FDFT1: variants seen among roughly 807,000 people sequenced by gnomAD.
FDFT1 encodes farnesyl-diphosphate farnesyltransferase 1, also known as squalene synthase.
In FDFT1, 68 loss-of-function variants were observed where a neutral mutation model predicts 46.8. That is an observed-to-expected ratio of 1.45 (90% CI 1.19 to 1.78). The LOEUF (loss-of-function observed/expected upper bound fraction) is 1.78. Ranked by LOEUF, FDFT1 falls within the 40% of genes most tolerant of loss-of-function variation. The probability of loss-of-function intolerance (pLI) is 0.00; values close to 1 mark genes in which losing one functional copy is unlikely to be tolerated. For synonymous variants in FDFT1, 351 were observed against 185.1 expected, an observed-to-expected ratio of 1.90 and a Z score of -7.28; for missense variants, 928 against 524.4, an observed-to-expected ratio of 1.77 and a Z score of -7.52.
chr8:11,801,786 C>T (rs907439997), upstream of FDFT1: 6 of 362,398 alleles, frequency 1.7e-5, no homozygotes, highest in South Asian at 8.3e-5. Flanking sequence ...CTCCGCTTCC[C>T]GGGTTCAAGT....
chr8:11,804,941 C>T (rs1392886834), intron 1 of FDFT1, among the ~76,000 whole-genome samples: 1 of 134,000 alleles, frequency 7.5e-6, no homozygotes, highest in Admixed American at 8.0e-5. Flanking sequence ...GGGGGTCTCA[C>T]TCCATCGTCC....
upstream of FDFT1, chr8:11,802,382 C>T (rs975144379): frequency 1.5e-5 from 7 of 455,432 alleles, no homozygotes; most frequent in East Asian, 4.9e-4. Flanking sequence ...CTGCGGACCA[C>T]CGTTGGGCTC....
rs750555160 is a variant in FDFT1, at chr8:11,821,896, G to GTGT, written c.510+19_510+21dup. On this transcript the variant is annotated intron_variant, in intron 4 of 7. Coordinates refer to ENST00000220584, the MANE Select transcript of FDFT1 (RefSeq NM_004462.5). ...GGGACAAGGTTAGTCTCATAAAACAGTGTCTGTGTGTGATGTATTAGACAG... is the reference window on the plus strand; with the variant it reads ...GGGACAAGGTTAGTCTCATAAAACAGTGTTGTCTGTGTGTGATGTATTAGACAG... 6.2e-7 allele frequency: 1 copy of GTGT among 1,610,570 alleles called. No homozygotes were observed. The highest frequency in any genetic ancestry group is 1.1e-5 in the South Asian group (1 of 90,860).
chr8:11,833,775 A>AT (rs1563343413), intron 7 of FDFT1, among the ~76,000 whole-genome samples: 2 of 152,136 alleles, frequency 1.3e-5, no homozygotes, highest in African/African-American at 2.4e-5. Flanking sequence ...AGCTGAAAAT[A>AT]TTTTTTGGCC....
rs562419913 is a variant in FDFT1, at chr8:11,828,066, G to A, written c.702+1851G>A. ...AAATTACAAAAATTAGCCAAGTGTGGTGGCATACGCTGGTAGGGCCAGCTA... is the reference window on the plus strand; with the variant it reads ...AAATTACAAAAATTAGCCAAGTGTGATGGCATACGCTGGTAGGGCCAGCTA... On this transcript the variant is annotated intron_variant, in intron 5 of 7. Coordinates refer to ENST00000220584, the MANE Select transcript of FDFT1 (RefSeq NM_004462.5). 3.3e-5 allele frequency among the ~76,000 whole-genome samples: 5 copies of A among 152,162 alleles called. No individual in the cohort carries two copies. In the South Asian group the frequency reaches 1.0e-3, roughly 32 times the overall value.
chr8:11,832,551 C>CAAAAAAAAAAAAAAAA (rs531759815), intron 7 of FDFT1, among the ~76,000 whole-genome samples: 526 of 36,340 alleles, frequency 0.014, 113 homozygotes, highest in Middle Eastern at 0.031. Flanking sequence ...GACTTTGTCT[C>CAAAAAAAAAAAAAAAA]AAAAAAAAAA....
upstream of FDFT1, chr8:11,801,944 C>G (rs1441183158): frequency 4.4e-6 from 2 of 455,372 alleles, no homozygotes; most frequent in Non-Finnish European, 8.8e-6. Context: ...CCGCCTTGGC[C>G]TCCCAAAGTG....
At chr8:11,831,717 A>AT (rs766690517) in intron 7 of FDFT1, 47 bp downstream of exon 7, 5 of 1,483,178 alleles carry the variant, frequency 3.4e-6, no homozygotes, top group Non-Finnish European at 4.7e-6. Context: ...TACTTTTATG[A>AT]TTTAGTAATG....
chr8:11,805,763 T>A (rs1052304053), intron 1 of FDFT1, among the ~76,000 whole-genome samples: 1 of 152,250 alleles, frequency 6.6e-6, no homozygotes, highest in African/African-American at 2.4e-5. Context: ...GAAATAATTA[T>A]GAGGTGCTAC....
upstream of FDFT1, among the ~76,000 whole-genome samples, chr8:11,798,303 G>A (rs1339588746): frequency 6.6e-6 from 1 of 152,062 alleles, no homozygotes; most frequent in Non-Finnish European, 1.5e-5. Flanking sequence ...CAAGTGATCC[G>A]CCTGCATTGG....
At chr8:11,820,337 C>T (rs1192468774) in intron 3 of FDFT1, among the ~76,000 whole-genome samples, 1 of 152,220 alleles carries the variant, frequency 6.6e-6, no homozygotes, top group Non-Finnish European at 1.5e-5. Flanking sequence ...CTGTCCGTTA[C>T]TGGAGTTCAA....
At chr8:11,832,051 C>T (rs1388332524) in intron 7 of FDFT1, among the ~76,000 whole-genome samples, 1 of 152,138 alleles carries the variant, frequency 6.6e-6, no homozygotes, top group Non-Finnish European at 1.5e-5. Context: ...GGCTCCCGTC[C>T]ATGTGTCCTG....
rs370150130 is a variant in FDFT1 at position 11,802,796 on chromosome 8, T to G, written c.-37T>G. On this transcript the variant is annotated 5_prime_UTR_variant, in exon 1 of 8. Transcript: ENST00000220584. Reference sequence around the variant, plus strand: ...GGTGAGCGCCTGGGGACCGCAGAGGTGAGAGTCGCGCCCGGGAGTCCGCCG... The same window carrying G: ...GGTGAGCGCCTGGGGACCGCAGAGGGGAGAGTCGCGCCCGGGAGTCCGCCG... 1.3e-4 allele frequency: 200 copies of G among 1,529,970 alleles called. No homozygotes were observed. Among genetic ancestry groups the G allele is most frequent in the Non-Finnish European group, 1.6e-4 (174 of 1,115,338 alleles). 94.8% of individuals were successfully genotyped at this position (1,529,970 alleles called of 1,614,324 possible).
chr8:11,806,181 C>T (rs530748963), intron 1 of FDFT1, among the ~76,000 whole-genome samples: 1 of 152,142 alleles, frequency 6.6e-6, no homozygotes, highest in African/African-American at 2.4e-5. Context: ...CACCCCCACA[C>T]CCTTCCTCTA....
rs550711143 is a variant in FDFT1, at chr8:11,830,515, T to G, written c.879+95T>G. Reference sequence around the variant, plus strand: ...GCTGTGCTATATTCAAGGATATGATTCCTTAAAAAGACGATGACTCCAGTT... The same window carrying G: ...GCTGTGCTATATTCAAGGATATGATGCCTTAAAAAGACGATGACTCCAGTT... On this transcript the variant is annotated intron_variant, in intron 6 of 7. Transcript: ENST00000220584. 3.4e-6 allele frequency: 3 copies of G among 889,888 alleles called. No homozygotes were observed. In the South Asian group the frequency reaches 4.6e-5, roughly 14 times the overall value. The allele number at this position is 889,888 out of a possible 1,614,324, so 55.1% of individuals were successfully genotyped here.
intron 4 of FDFT1, among the ~76,000 whole-genome samples, chr8:11,825,223 C>G (rs1326955431): frequency 6.6e-6 from 1 of 152,118 alleles, no homozygotes; most frequent in Non-Finnish European, 1.5e-5. Context: ...TGCCTTCTCT[C>G]ATAGTTTTAT....
intron 4 of FDFT1, 62 bp downstream of exon 4, chr8:11,821,940 TG>T: frequency 6.3e-7 from 1 of 1,579,288 alleles, no homozygotes. Context: ...GTCCTCATAG[TG>T]AAGCTCAGAA....
At chr8:11,824,814 C>T (rs754329144) in intron 4 of FDFT1, among the ~76,000 whole-genome samples, 1 of 152,132 alleles carries the variant, frequency 6.6e-6, no homozygotes, top group Non-Finnish European at 1.5e-5. Flanking sequence ...CGGCTCCCTG[C>T]AAGCTCCACC....
At chr8:11,816,019 C>T (rs1347029078) in intron 3 of FDFT1, among the ~76,000 whole-genome samples, 2 of 152,090 alleles carry the variant, frequency 1.3e-5, no homozygotes, top group Non-Finnish European at 2.9e-5. Flanking sequence ...TTTAAGCCTT[C>T]AGTCCATCTT....
Sources: allele counts gnomAD v4.1 joint callset (sites outside exome capture counted in the v4.1 genomes callset), GRCh38; gene constraint gnomAD v4.1.1; transcripts MANE v1.5; gene names NCBI Gene and HGNC (gene_info 2026-07-23, HGNC 2026-07-21).